The following CSMD1 variants were observed in gnomAD, a reference collection of about 807,000 sequenced individuals.
CSMD1 encodes CUB and Sushi multiple domains 1.
Under a neutral mutation model 417.5 loss-of-function variants are expected in CSMD1, and 213 were observed. That is an observed-to-expected ratio of 0.51 (90% CI 0.46 to 0.57). The LOEUF (loss-of-function observed/expected upper bound fraction) is 0.57, where lower values mean the gene tolerates loss of function less well. Among genes scored for constraint, CSMD1 ranks in the 20% least tolerant of loss-of-function variants. The probability of loss-of-function intolerance (pLI) is 0.00; values close to 1 mark genes in which losing one functional copy is unlikely to be tolerated. For synonymous variants in CSMD1, 2,862 were observed against 1,736.8 expected, an observed-to-expected ratio of 1.65 and a Z score of -16.11; for missense variants, 6,923 against 4,529.7, an observed-to-expected ratio of 1.53 and a Z score of -15.17.
intron 8 of CSMD1, among the ~76,000 whole-genome samples, chr8:3,601,362 G>C (rs1225443512): frequency 1.3e-5 from 2 of 152,220 alleles, no homozygotes; most frequent in Non-Finnish European, 2.9e-5. Context: ...TACTGAAAGT[G>C]TTTTCCAACG....
intron 3 of CSMD1, among the ~76,000 whole-genome samples, chr8:4,152,727 A>G (rs763969771): frequency 2.0e-5 from 3 of 151,942 alleles, no homozygotes; most frequent in Non-Finnish European, 4.4e-5. Context: ...ATACACACAC[A>G]CAATAGATAT....
chr8:3,384,891 AAT>A (rs1182629557), intron 18 of CSMD1, among the ~76,000 whole-genome samples: 4 of 122,294 alleles, frequency 3.3e-5, no homozygotes, highest in East Asian at 2.2e-4. Context: ...GCAAATATAT[AAT>A]ATATATTATA....
chr8:4,120,333 TATAAG>T (rs535770275), intron 3 of CSMD1, among the ~76,000 whole-genome samples: 63 of 152,334 alleles, frequency 4.1e-4, no homozygotes, highest in East Asian at 5.8e-4. Flanking sequence ...ATTACTTAGC[TATAAG>T]ATAAGATTAT....
intron 1 of CSMD1, among the ~76,000 whole-genome samples, chr8:4,853,328 G>A (rs766817078): frequency 2.0e-5 from 3 of 152,188 alleles, no homozygotes; most frequent in Non-Finnish European, 2.9e-5. Flanking sequence ...AGCCAGGAAT[G>A]CAAGGTGGCT....
chr8:4,445,434 C>T (rs1019884331), intron 2 of CSMD1, among the ~76,000 whole-genome samples: 24 of 152,112 alleles, frequency 1.6e-4, no homozygotes, highest in African/African-American at 3.6e-4. Flanking sequence ...TGTACCAAAT[C>T]GTCTTTCAAA....
intron 2 of CSMD1, among the ~76,000 whole-genome samples, chr8:4,474,206 C>A (rs762805564): frequency 1.3e-5 from 2 of 151,944 alleles, no homozygotes; most frequent in Non-Finnish European, 2.9e-5. Flanking sequence ...AATGTAAGAA[C>A]GGCCTACAAG....
chr8:4,205,085 C>G (rs190559900), intron 3 of CSMD1, among the ~76,000 whole-genome samples: 20 of 152,182 alleles, frequency 1.3e-4, no homozygotes, highest in Admixed American at 8.5e-4. Context: ...CTGTAAACAT[C>G]AAATGCTTTA....
At chr8:4,142,430 C>T (rs1425345227) in intron 3 of CSMD1, among the ~76,000 whole-genome samples, 6 of 151,088 alleles carry the variant, frequency 4.0e-5, no homozygotes, top group Non-Finnish European at 8.8e-5. Flanking sequence ...GCTACCATAA[C>T]AGAACTAGTT....
At chr8:3,305,017 ATTCAAAG>A (rs1235889328) in intron 25 of CSMD1, among the ~76,000 whole-genome samples, 2 of 152,196 alleles carry the variant, frequency 1.3e-5, no homozygotes, top group Non-Finnish European at 2.9e-5. Flanking sequence ...GCATTTGTGA[ATTCAAAG>A]TTAAGGACTA....
At chr8:3,868,231 G>T (rs368029490) in intron 5 of CSMD1, among the ~76,000 whole-genome samples, 6 of 54,658 alleles carry the variant, frequency 1.1e-4, no homozygotes, top group Admixed American at 1.7e-4. Flanking sequence ...GAACGAGGAT[G>T]GGGGGGCATC....
chr8:4,505,139 C>A (rs187033781), intron 2 of CSMD1, among the ~76,000 whole-genome samples: 2 of 152,206 alleles, frequency 1.3e-5, no homozygotes, highest in Admixed American at 6.5e-5. Context: ...AAAACAAAAC[C>A]AAACCCCACA....
At chr8:4,480,913 T>C (rs1399421513) in intron 2 of CSMD1, among the ~76,000 whole-genome samples, 1 of 152,132 alleles carries the variant, frequency 6.6e-6, no homozygotes, top group Non-Finnish European at 1.5e-5. Context: ...AGTTGTTGAG[T>C]TCATCATCTT....
Position 4,305,447 on chromosome 8 carries a change from C to G in CSMD1, c.415+114506G>C, listed in dbSNP as rs189120652. On this transcript the variant is annotated intron_variant, in intron 3 of 69. Coordinates refer to ENST00000635120, the MANE Select transcript of CSMD1 (RefSeq NM_033225.6). ...GATAATCGACTAAAAGTAAGGTAAG[C>G]CACTGAGCAGCTGGAATCACTGTAA... Among the ~76,000 whole-genome samples the G allele has an allele frequency of 1.9e-3, 296 of 152,232 alleles. 2 individuals are homozygous for G. Among genetic ancestry groups the G allele is most frequent in the Admixed American group, 4.1e-3 (63 of 15,270 alleles).
Position 4,170,002 on chromosome 8 carries a change from T to A in CSMD1, c.416-137903A>T, listed in dbSNP as rs541947467. ...TTGTGCATAGAAGAGTGTTAGAGCC[T>A]AAGAGATCGTAAAATCAATAAGAGA... On this transcript the variant is annotated intron_variant, in intron 3 of 69. Transcript: ENST00000635120. 1.4e-4 allele frequency among the ~76,000 whole-genome samples: 22 copies of A among 151,892 alleles called. 1 individual carries two copies. Among genetic ancestry groups the A allele is most frequent in the African/African-American group, 4.4e-4 (18 of 41,184 alleles).
chr8:4,989,727 C>G (rs13439499), intron 1 of CSMD1, among the ~76,000 whole-genome samples: 35,463 of 152,082 alleles, frequency 0.23, 4,618 homozygotes, highest in Middle Eastern at 0.35. Context: ...AAATTCAGCG[C>G]AATAGAGAGT....
chr8:4,396,326 G>T (rs1396856323), intron 3 of CSMD1, among the ~76,000 whole-genome samples: 1 of 151,218 alleles, frequency 6.6e-6, no homozygotes, highest in Admixed American at 6.6e-5. Flanking sequence ...AAATAGCCAG[G>T]CATGGTAGCA....
chr8:4,979,678 T>C (rs1008671370), intron 1 of CSMD1, among the ~76,000 whole-genome samples: 4 of 152,238 alleles, frequency 2.6e-5, no homozygotes, highest in African/African-American at 7.2e-5. Flanking sequence ...AAAATGTGTT[T>C]AGTTCTTCAG....
chr8:4,146,557 G>C (rs1475893824), intron 3 of CSMD1, among the ~76,000 whole-genome samples: 1 of 137,136 alleles, frequency 7.3e-6, no homozygotes, highest in Non-Finnish European at 1.5e-5. Flanking sequence ...AGGGAAGGAA[G>C]CTCCATTATT....
chr8:4,057,500 G>A (rs1024490230), intron 3 of CSMD1, among the ~76,000 whole-genome samples: 4 of 152,036 alleles, frequency 2.6e-5, no homozygotes, highest in East Asian at 1.9e-4. Context: ...TCATTCTGAC[G>A]GTAGTTTGTT....
Sources: gnomAD v4.1 joint callset for allele counts (sites outside exome capture counted in the v4.1 genomes callset) on GRCh38, gnomAD v4.1.1 for gene constraint, MANE v1.5 for transcripts, NCBI Gene and HGNC (gene_info 2026-07-23, HGNC 2026-07-21) for gene names.